The following CCDC17 variants were observed in gnomAD, a reference collection of about 807,000 sequenced individuals.
CCDC17 encodes coiled-coil domain-containing protein 17.
A neutral mutation model predicts 68.0 loss-of-function variants in CCDC17; 79 were observed. That is an observed-to-expected ratio of 1.16 (90% confidence interval 0.97 to 1.40). CCDC17 has a LOEUF of 1.40. CCDC17 is among the 40% of genes most tolerant of loss of function. The probability of loss-of-function intolerance (pLI) is 0.00; values close to 1 mark genes in which losing one functional copy is unlikely to be tolerated. For synonymous variants in CCDC17, 376 were observed against 337.5 expected (o/e 1.11, Z -1.25); for missense variants, 846 against 811.5 (o/e 1.04, Z -0.52).
intron 9 of CCDC17, 26 bp downstream of exon 9, chr1:45,621,612 G>T (rs763488200): frequency 1.2e-6 from 2 of 1,609,714 alleles, no homozygotes; most frequent in East Asian, 2.2e-5. Context: ...AGTCACAGAG[G>T]CTGTCGAAGG....
Position 45,621,912 on chromosome 1 carries a change from C to A in CCDC17, c.1051G>T (p.Ala351Ser). The change falls in exon 8 of 13, where the codon GCA (alanine) becomes TCA (serine). Residue 351 changes from alanine (A) to serine (S), a missense_variant. By Grantham distance (99) the Ala-to-Ser change is moderately conservative. Transcript: ENST00000528266. ...CCTGGAAGTGGTGGCAGCGGTGGTG[C>A]CACCGGTGGCGGGAGGAGTGGGGGA... ...RDPPLLPPPV[A>S]PPLPPLPGFS... 6.2e-7 allele frequency: 1 copy of A among 1,607,796 alleles called. No individual in the cohort carries two copies. Among genetic ancestry groups the A allele is most frequent in the Non-Finnish European group, 8.5e-7 (1 of 1,177,454 alleles).
At chr1:45,622,018 G>A in intron 7 of CCDC17, 23 bp from the exon 8 acceptor site, 1 of 1,579,500 alleles carries the variant, frequency 6.3e-7, no homozygotes. Flanking sequence ...GAGTTAGGGT[G>A]CCCCTAAGTT....
intron 12 of CCDC17, 96 bp from the exon 13 acceptor site, chr1:45,620,529 G>A: frequency 1.4e-6 from 2 of 1,469,384 alleles, no homozygotes; most frequent in South Asian, 2.8e-5. Context: ...CTCACTTACT[G>A]TGAACCAAGT....
At position 45,621,170 on chromosome 1, in the gene CCDC17, CTT is replaced by C. The variant is rs764409205; in HGVS notation, c.1389-59_1389-58del. The C allele has an allele frequency of 4.9e-5, 78 of 1,585,272 alleles. No individual in the cohort carries two copies. The East Asian group carries it at 5.0e-4, about 10-fold the overall frequency. On this transcript the variant is annotated intron_variant, in intron 10 of 12. Coordinates refer to ENST00000528266, the MANE Select transcript of CCDC17 (RefSeq NM_001114938.3). ...CCAGAGCTACAGTCCCTTTCTAGGA[CTT>C]AGCCCTTTAGAGCCAGCGGCCTCTG... is the stretch of plus-strand genomic sequence containing the variant.
At chr1:45,622,369 C>A (rs1238546306) in intron 6 of CCDC17, 21 bp from the exon 7 acceptor site, 2 of 1,595,248 alleles carry the variant, frequency 1.3e-6, no homozygotes, top group Non-Finnish European at 8.5e-7. Context: ...CAAGTGTGAC[C>A]TGTCACCTTT....
Position 45,620,990 on chromosome 1 carries a change from C to G in CCDC17, c.1512G>C (p.Arg504=). 1.9e-6 allele frequency: 3 copies of G among 1,613,840 alleles called. No homozygotes were observed. The highest frequency in any genetic ancestry group is 2.5e-6 in the Non-Finnish European group (3 of 1,179,856). Residue 504 remains arginine, a synonymous_variant, in exon 11 of 13, where the codon CGG becomes CGC. Coordinates refer to ENST00000528266, the MANE Select transcript of CCDC17 (RefSeq NM_001114938.3). ...VSLGLFDQDQ[R]VLSGRWRLPL... ...GGAGGCGCCAGCGGCCACTTAGCAC[C>G]CGCTGATCTTGGTCAAATAGTCCAA...
chr1:45,623,183 G>C (rs1009299712), intron 3 of CCDC17, 34 bp downstream of exon 3: 3 of 1,540,464 alleles, frequency 1.9e-6, no homozygotes, highest in African/African-American at 2.7e-5. Flanking sequence ...GAGGGCAGAG[G>C]AGGTCCTTGG....
Position 45,620,465 on chromosome 1 carries a change from A to G in CCDC17, c.1711-32T>C, listed in dbSNP as rs1223597177. On this transcript the variant is annotated intron_variant, in intron 12 of 12. Coordinates refer to ENST00000528266, the MANE Select transcript of CCDC17 (RefSeq NM_001114938.3). ...AACAGGAGAAGGCAGGTTTTGAGCAAAAATGTAAAGGTTAAGCACACAGGT... is the reference window on the plus strand; with the variant it reads ...AACAGGAGAAGGCAGGTTTTGAGCAGAAATGTAAAGGTTAAGCACACAGGT... 2.6e-6 allele frequency: 4 copies of G among 1,517,264 alleles called. No homozygotes were observed. In the East Asian group the frequency reaches 9.5e-5, roughly 36 times the overall value. The allele number at this position is 1,517,264 out of a possible 1,614,324, so 94.0% of individuals were successfully genotyped here.
chr1:45,621,356 A>G lies in CCDC17; in HGVS notation c.1313T>C (p.Leu438Pro). 6.3e-7 allele frequency: 1 copy of G among 1,590,632 alleles called. No homozygotes were observed. The highest frequency in any genetic ancestry group is 8.6e-7 in the Non-Finnish European group (1 of 1,168,596). Reference protein sequence around the residue: ...TGRTTALPPALCLPPPPAPGP... With the variant: ...TGRTTALPPAPCLPPPPAPGP... ...GGGAGCAGGAGGTGGGGGCAGGCAA[A>G]GGGCTGGGGGCAACGCTGTGGTCCT... Residue 438 changes from leucine to proline, a missense_variant, in exon 10 of 13, where the codon CTT becomes CCT. By Grantham distance (98) the Leu-to-Pro change is moderately conservative. Coordinates refer to ENST00000528266, the MANE Select transcript of CCDC17 (RefSeq NM_001114938.3).
At chr1:45,623,523 G>C (rs1644354725) in intron 2 of CCDC17, 34 bp downstream of exon 2, 1 of 1,548,508 alleles carries the variant, frequency 6.5e-7, no homozygotes, top group Non-Finnish European at 8.7e-7. Context: ...GACGCTCAAC[G>C]TTTTGAGCCC....
At position 45,621,972 on chromosome 1, in the gene CCDC17, C is replaced by T. The variant is rs893571511; in HGVS notation, c.991G>A (p.Gly331Arg). ...PLGPQDLRLL[G>R]DASLQPKGRR... ...CCCTTCGGTTGTAGGCTGGCATCCC[C>T]CAGGAGTCGCAGATCCTGGGGCCCT... The change falls in exon 8 of 13, where the codon GGG becomes AGG. Residue 331 changes from glycine (G) to arginine (R), a missense_variant. Transcript: ENST00000528266. 5.6e-6 allele frequency: 9 copies of T among 1,609,410 alleles called. No homozygotes were observed. Among genetic ancestry groups the T allele is most frequent in the Middle Eastern group, 1.7e-4 (1 of 6,052 alleles).
At position 45,621,872 on chromosome 1, in the gene CCDC17, T is replaced by C. The variant is rs1266105029; in HGVS notation, c.1086+5A>G. The C allele has an allele frequency of 6.3e-7, 1 of 1,595,642 alleles. No homozygotes were observed. Among genetic ancestry groups the C allele is most frequent in the Non-Finnish European group, 8.5e-7 (1 of 1,171,868 alleles). ...CACAGCCTTTGCCCCACCCAAGAAC[T>C]GAACCTCCGAGAAGCCTGGAAGTGG... On this transcript the variant is annotated splice_donor_5th_base_variant and intron_variant, in intron 8 of 12. Coordinates refer to ENST00000528266, the MANE Select transcript of CCDC17 (RefSeq NM_001114938.3).
At position 45,622,940 on chromosome 1, in the gene CCDC17, T is replaced by C; in HGVS notation, c.656+15A>G. 1 of 1,575,122 alleles carries C rather than the reference T, an allele frequency of 6.3e-7. No homozygotes were observed. The highest frequency in any genetic ancestry group is 8.7e-7 in the Non-Finnish European group (1 of 1,153,134). ...GGAGCCGCATGTTCCGGGGATCCGC[T>C]TAGTCGGGTCTCACCCTGGCTCCGC... is the stretch of plus-strand genomic sequence containing the variant. On this transcript the variant is annotated intron_variant, in intron 4 of 12. Coordinates refer to ENST00000528266, the MANE Select transcript of CCDC17 (RefSeq NM_001114938.3).
At position 45,621,312 on chromosome 1, in the gene CCDC17, C is replaced by T; in HGVS notation, c.1357G>A (p.Ala453Thr). ...ACAGGCTGCCTGCTGGCAAGGATGG[C>T]ACAGTTGCCCATGGGCCCGGGAGCA... ...PPAPGPMGNC[A>T]ILASRQPVPR... Residue 453 changes from alanine (A) to threonine (T), a missense_variant, in exon 10 of 13, where the codon GCC (alanine) becomes ACC (threonine). By Grantham distance (58) the Ala-to-Thr change is moderately conservative. Transcript: ENST00000528266. 6.3e-7 allele frequency: 1 copy of T among 1,585,434 alleles called. No homozygotes were observed. The highest frequency in any genetic ancestry group is 8.6e-7 in the Non-Finnish European group (1 of 1,165,758).
rs182601856 is a variant in CCDC17, at chr1:45,622,062, C to T, written c.968-67G>A. ...CAGGTAATTAGCTGAGATACCCCTC[C>T]CCCAAGAGTTGGGCCCACAAATGGG... On this transcript the variant is annotated intron_variant, in intron 7 of 12. Transcript: ENST00000528266. 9 of 1,481,256 alleles carry T rather than the reference C, an allele frequency of 6.1e-6. No individual in the cohort carries two copies. In the East Asian group the frequency reaches 2.2e-4, roughly 36 times the overall value. The allele number at this position is 1,481,256 out of a possible 1,614,324, so 91.8% of individuals were successfully genotyped here.
rs1644372198 is a variant in CCDC17, at chr1:45,623,927, CTGAAACCAG to C, written c.-27_-19del. On this transcript the variant is annotated 5_prime_UTR_variant, in exon 1 of 13. Transcript: ENST00000528266. ...GAGTCCATGGGATGGGACCCGTTTC[CTGAAACCAG>C]CCAAGACCTGCAGAAGGGATCAAGG... The C allele has an allele frequency of 6.8e-7, 1 of 1,476,592 alleles. No individual in the cohort carries two copies. The highest frequency in any genetic ancestry group is 2.5e-5 in the Admixed American group (1 of 39,542). 91.5% of individuals were successfully genotyped at this position (1,476,592 alleles called of 1,614,324 possible). A position where few individuals can be genotyped will look rare whatever the true frequency, so the allele number is the denominator to read the frequency against.
rs1644375549 is a variant in CCDC17, at chr1:45,624,042, ATCT to A, written c.-136_-134del. ...AGGCCGTGTCTATTAGGTCTGTGAG[ATCT>A]TCAAGTTTGTTTGGGGAGAGCCTTA... On this transcript the variant is annotated 5_prime_UTR_variant, in exon 1 of 13. Coordinates refer to ENST00000528266, the MANE Select transcript of CCDC17 (RefSeq NM_001114938.3). The A allele has an allele frequency of 1.5e-6, 1 of 657,260 alleles. No homozygotes were observed. 40.7% of individuals were successfully genotyped at this position (657,260 alleles called of 1,614,324 possible). A position where few individuals can be genotyped will look rare whatever the true frequency, so the allele number is the denominator to read the frequency against.
chr1:45,622,736 G>C lies in CCDC17; in HGVS notation c.740+15C>G. 1.3e-6 allele frequency: 2 copies of C among 1,576,782 alleles called. No homozygotes were observed. The highest frequency in any genetic ancestry group is 4.7e-5 in the East Asian group (2 of 42,994). ...AGCGCTTCGCCCTATGCCCATCTCC[G>C]GCCCCGGCTCTCACCGGATTTCGGC... is the stretch of plus-strand genomic sequence containing the variant. On this transcript the variant is annotated intron_variant, in intron 5 of 12. Transcript: ENST00000528266.
Position 45,623,593 on chromosome 1 carries a change from C to T in CCDC17, c.234G>A (p.Gln78=), listed in dbSNP as rs1288118750. The T allele has an allele frequency of 6.4e-7, 1 of 1,550,990 alleles. No homozygotes were observed. Among genetic ancestry groups the T allele is most frequent in the Admixed American group, 2.0e-5 (1 of 51,006 alleles). ...PQEPQGLPDQ[Q]ASRSALKRLT... Reference sequence around the variant, plus strand: ...ACCTCTTTAGAGCAGATCTACTGGCCTGCTGGTCTGGGAGGCCCTGGGGTT... The same window carrying T: ...ACCTCTTTAGAGCAGATCTACTGGCTTGCTGGTCTGGGAGGCCCTGGGGTT... Residue 78 remains glutamine, a synonymous_variant, in exon 2 of 13, where the codon CAG becomes CAA. Transcript: ENST00000528266.
Sources: gnomAD v4.1 joint callset for allele counts on GRCh38, gnomAD v4.1.1 for gene constraint, MANE v1.5 for transcripts, NCBI Gene and HGNC (gene_info 2026-07-23, HGNC 2026-07-21) for gene names.